THSD4: variants seen among roughly 807,000 people sequenced by gnomAD.
THSD4 encodes thrombospondin type-1 domain-containing protein 4.
THSD4 carries 69 observed loss-of-function variants against 119.0 expected under a neutral mutation model. That is an observed-to-expected ratio of 0.58 (90% confidence interval 0.48 to 0.71). The LOEUF (loss-of-function observed/expected upper bound fraction) is 0.71, where lower values mean the gene tolerates loss of function less well. Ranked by LOEUF, THSD4 falls within the 30% of genes least tolerant of loss-of-function variation. The probability of loss-of-function intolerance (pLI) is 0.00; values close to 1 mark genes in which losing one functional copy is unlikely to be tolerated. For missense variants in THSD4, 1,393 were observed against 1,391.1 expected, an observed-to-expected ratio of 1.00 and a Z score of -0.02; for synonymous variants, 524 against 540.4, an observed-to-expected ratio of 0.97 and a Z score of 0.42.
At chr15:71,633,388 A>T (rs2050675124) in intron 7 of THSD4, among the ~76,000 whole-genome samples, 1 of 144,268 alleles carries the variant, frequency 6.9e-6, no homozygotes, top group Non-Finnish European at 1.5e-5. Context: ...CCATCCTCCC[A>T]TCTCAGCCTC....
chr15:71,714,179 C>G (rs909404531), intron 8 of THSD4, among the ~76,000 whole-genome samples: 3 of 152,056 alleles, frequency 2.0e-5, no homozygotes, highest in Non-Finnish European at 2.9e-5. Flanking sequence ...TCCACAAAAC[C>G]CTGTCCCAGA....
At chr15:71,291,183 G>A (rs62015494) in intron 6 of THSD4, among the ~76,000 whole-genome samples, 23,216 of 151,956 alleles carry the variant, frequency 0.15, 2,009 homozygotes, top group South Asian at 0.28. Flanking sequence ...AATAGTTATT[G>A]TTTACATTAT....
At chr15:71,344,868 A>G (rs930118697) in intron 6 of THSD4, among the ~76,000 whole-genome samples, 1 of 152,070 alleles carries the variant, frequency 6.6e-6, no homozygotes, top group African/African-American at 2.4e-5. Flanking sequence ...TGTACTCTCC[A>G]TGTCTGTGTC....
rs80008430 is a variant in THSD4 at position 71,101,694 on chromosome 15, G to T, written c.-80+4688G>T. On this transcript the variant is annotated intron_variant, in intron 1 of 17. Coordinates refer to the THSD4 transcript ENST00000355327. ...TATTTCCACTGGATATAAGATTCTG[G>T]ATTGGTAGTTTTCTTTTCTTTTTTA... Among the ~76,000 whole-genome samples, 331 of 151,450 alleles carry T rather than the reference G, an allele frequency of 2.2e-3. 2 individuals are homozygous for T. Among genetic ancestry groups the T allele is most frequent in the African/African-American group, 8.0e-3 (329 of 41,220 alleles).
intron 6 of THSD4, among the ~76,000 whole-genome samples, chr15:71,298,404 T>G (rs532296548): frequency 6.6e-6 from 1 of 152,262 alleles, no homozygotes; most frequent in Admixed American, 6.5e-5. Context: ...TTTAAAGGCC[T>G]CCTTCTGTTA....
chr15:71,432,064 G>C (rs1359333641), intron 7 of THSD4, among the ~76,000 whole-genome samples: 1 of 151,820 alleles, frequency 6.6e-6, no homozygotes, highest in Non-Finnish European at 1.5e-5. Context: ...ATTATGACTG[G>C]TAACATAAAC....
chr15:71,163,282 A>G (rs2043263396), intron 3 of THSD4, among the ~76,000 whole-genome samples: 2 of 151,534 alleles, frequency 1.3e-5, no homozygotes, highest in African/African-American at 2.4e-5. Flanking sequence ...TGCAATTATT[A>G]GTTTATTAGT....
chr15:71,413,712 A>G (rs1362094384), intron 7 of THSD4, among the ~76,000 whole-genome samples: 2 of 152,244 alleles, frequency 1.3e-5, no homozygotes, highest in African/African-American at 4.8e-5. Context: ...TATCTTTGGA[A>G]GAGCAAACCC....
intron 1 of THSD4, among the ~76,000 whole-genome samples, chr15:71,097,707 T>C (rs1195408599): frequency 6.6e-5 from 7 of 105,776 alleles, no homozygotes; most frequent in African/African-American, 2.6e-4. Flanking sequence ...CACAGAAAGA[T>C]GTATATATAT....
At chr15:71,548,803 C>T (rs914025827) in intron 7 of THSD4, among the ~76,000 whole-genome samples, 1 of 152,164 alleles carries the variant, frequency 6.6e-6, no homozygotes, top group Non-Finnish European at 1.5e-5. Flanking sequence ...CTCACTCAGC[C>T]TGGAGCATTT....
chr15:71,500,272 A>G (rs1417308797), intron 7 of THSD4, among the ~76,000 whole-genome samples: 1 of 152,026 alleles, frequency 6.6e-6, no homozygotes, highest in African/African-American at 2.4e-5. Context: ...GGCCATTTGT[A>G]TATGGTCTTT....
chr15:71,258,550 C>T (rs2044350004), intron 6 of THSD4, among the ~76,000 whole-genome samples: 1 of 152,170 alleles, frequency 6.6e-6, no homozygotes, highest in Admixed American at 6.5e-5. Context: ...AACTTTTGTA[C>T]TATCTTTGTA....
intron 3 of THSD4, among the ~76,000 whole-genome samples, chr15:71,161,582 T>C (rs2043249920): frequency 6.6e-6 from 1 of 151,986 alleles, no homozygotes; most frequent in Non-Finnish European, 1.5e-5. Flanking sequence ...TTGGTTTCTG[T>C]TTGCATGGAA....
At chr15:71,567,368 G>A (rs1467752726) in intron 7 of THSD4, among the ~76,000 whole-genome samples, 1 of 152,102 alleles carries the variant, frequency 6.6e-6, no homozygotes, top group African/African-American at 2.4e-5. Context: ...AAGGGAAGCG[G>A]CCTGATACAG....
At chr15:71,338,897 G>C (rs2045524622) in intron 6 of THSD4, among the ~76,000 whole-genome samples, 1 of 152,168 alleles carries the variant, frequency 6.6e-6, no homozygotes, top group South Asian at 2.1e-4. Context: ...GGAAACCAGA[G>C]TTGGAGTTCT....
chr15:71,150,591 A>G (rs1271408669), intron 2 of THSD4, among the ~76,000 whole-genome samples: 3 of 152,202 alleles, frequency 2.0e-5, no homozygotes, highest in Non-Finnish European at 4.4e-5. Flanking sequence ...TTTAGCTTCA[A>G]TAGGGCCCAG....
chr15:71,482,062 A>G (rs1426028012), intron 7 of THSD4, among the ~76,000 whole-genome samples: 1 of 152,208 alleles, frequency 6.6e-6, no homozygotes, highest in Non-Finnish European at 1.5e-5. Flanking sequence ...TAGTCTGATC[A>G]GTGTGTTTGG....
intron 6 of THSD4, among the ~76,000 whole-genome samples, chr15:71,295,206 G>T (rs1290853654): frequency 2.0e-5 from 3 of 152,162 alleles, no homozygotes; most frequent in African/African-American, 7.2e-5. Flanking sequence ...GATCCTGGGA[G>T]GGTGATATGA....
chr15:71,341,035 T>G, intron 6 of THSD4: 2 of 705,972 alleles, frequency 2.8e-6, no homozygotes, highest in Non-Finnish European at 4.7e-6. Flanking sequence ...TGTCTTGCAT[T>G]TCCTCTCTCT....
Sources: allele counts gnomAD v4.1 joint callset (sites outside exome capture counted in the v4.1 genomes callset), GRCh38; gene constraint gnomAD v4.1.1; transcripts MANE v1.5; gene names NCBI Gene and HGNC (gene_info 2026-07-23, HGNC 2026-07-21).